Variants in RBFOX1 observed in about 807,000 individuals in gnomAD.
RBFOX1 encodes the protein RNA binding protein fox-1 homolog 1.
In RBFOX1, 8 loss-of-function variants were observed where a neutral mutation model predicts 57.7. The ratio of observed to expected loss-of-function variants is 0.14; its 90% confidence interval spans 0.08 to 0.25. The LOEUF (loss-of-function observed/expected upper bound fraction) is 0.25. RBFOX1 is among the 10% of genes least tolerant of loss of function. The pLI is 1.00. For missense variants in RBFOX1, 611 were observed against 548.5 expected, an observed-to-expected ratio of 1.11 and a Z score of -1.14; for synonymous variants, 326 against 222.4, an observed-to-expected ratio of 1.47 and a Z score of -4.15.
At chr16:6,475,291 C>T (rs1347108759) in intron 2 of RBFOX1, among the ~76,000 whole-genome samples, 1 of 152,124 alleles carries the variant, frequency 6.6e-6, no homozygotes, top group Non-Finnish European at 1.5e-5. Context: ...CAGCAGTGTG[C>T]TTGATTCCTG....
intron 4 of RBFOX1, among the ~76,000 whole-genome samples, chr16:7,458,395 A>C (rs1391497876): frequency 6.6e-6 from 1 of 152,206 alleles, no homozygotes; most frequent in South Asian, 2.1e-4. Context: ...TGTGCTCCTC[A>C]AATCTCTCCT....
chr16:6,806,841 T>TTC (rs2086955510), intron 3 of RBFOX1, among the ~76,000 whole-genome samples: 4 of 128,460 alleles, frequency 3.1e-5, no homozygotes, highest in Non-Finnish European at 6.5e-5. Context: ...TATATATTTT[T>TTC]TTTTTTTTTT....
At chr16:7,644,496 A>G (rs568686639) in intron 11 of RBFOX1, among the ~76,000 whole-genome samples, 1 of 152,192 alleles carries the variant, frequency 6.6e-6, no homozygotes, top group African/African-American at 2.4e-5. Flanking sequence ...CCATCACCCC[A>G]GAGTTTCTGT....
At chr16:6,241,026 A>C (rs756775073) in intron 1 of RBFOX1, among the ~76,000 whole-genome samples, 9 of 152,176 alleles carry the variant, frequency 5.9e-5, no homozygotes, top group Non-Finnish European at 1.2e-4. Context: ...TCGCATTCAT[A>C]ATAAGGTGTA....
chr16:7,498,830 C>T (rs569100334), intron 4 of RBFOX1, among the ~76,000 whole-genome samples: 3 of 152,284 alleles, frequency 2.0e-5, no homozygotes, highest in South Asian at 4.2e-4. Context: ...ATTACAATAT[C>T]TGCTTCACAG....
intron 3 of RBFOX1, among the ~76,000 whole-genome samples, chr16:6,805,196 G>A (rs2086453454): frequency 6.6e-6 from 1 of 152,128 alleles, no homozygotes; most frequent in South Asian, 2.1e-4. Flanking sequence ...CTACACCATG[G>A]AATACTATGC....
At chr16:5,484,805 A>G (rs1028232874) in intron 2 of RBFOX1, among the ~76,000 whole-genome samples, 17 of 151,330 alleles carry the variant, frequency 1.1e-4, no homozygotes, top group African/African-American at 4.1e-4. Flanking sequence ...CCAGCTACTC[A>G]GGAGGCTGAG....
Position 5,914,466 on chromosome 16 carries a change from AT to A in RBFOX1, c.351+47132del, listed in dbSNP as rs551562330. ...AGTTCATTCATGTAACCTTTGGCAG[AT>A]CCTGGATCTGCTTGTAAGCTCACTC... On this transcript the variant is annotated intron_variant, in intron 4 of 19. Transcript: ENST00000641259. Among the ~76,000 whole-genome samples the A allele has an allele frequency of 3.1e-3, 468 of 152,226 alleles. 1 individual carries two copies. Among genetic ancestry groups the A allele is most frequent in the African/African-American group, 0.011 (442 of 41,554 alleles).
chr16:7,197,530 G>C (rs1032636821), intron 4 of RBFOX1, among the ~76,000 whole-genome samples: 4 of 147,006 alleles, frequency 2.7e-5, no homozygotes, highest in African/African-American at 1.0e-4. Flanking sequence ...CTTAAAAAAA[G>C]TTAAACATAA....
chr16:6,869,299 T>C (rs1468992715), intron 3 of RBFOX1, among the ~76,000 whole-genome samples: 1 of 152,174 alleles, frequency 6.6e-6, no homozygotes, highest in African/African-American at 2.4e-5. Context: ...AAATACTTAT[T>C]ATATCTTGCC....
intron 9 of RBFOX1, among the ~76,000 whole-genome samples, chr16:7,603,458 A>G (rs1037327783): frequency 1.3e-5 from 2 of 152,212 alleles, no homozygotes; most frequent in Non-Finnish European, 2.9e-5. Context: ...CTAAATCCAG[A>G]TAGCATTAAC....
chr16:7,709,445 A>T, intron 15 of RBFOX1: 1 of 1,383,140 alleles, frequency 7.2e-7, no homozygotes. Flanking sequence ...GTCAATGCAG[A>T]ACTTTTTTTT....
intron 1 of RBFOX1, among the ~76,000 whole-genome samples, chr16:6,259,638 G>A (rs200792892): frequency 2.9e-4 from 44 of 152,150 alleles, no homozygotes; most frequent in African/African-American, 1.0e-3. Flanking sequence ...AAATATCTGC[G>A]ATCATGTACG....
chr16:5,412,486 A>G (rs2067047675), intron 1 of RBFOX1, among the ~76,000 whole-genome samples: 1 of 152,190 alleles, frequency 6.6e-6, no homozygotes, highest in Non-Finnish European at 1.5e-5. Context: ...AAGCAGTCCA[A>G]GATTTATAGC....
At chr16:7,267,983 G>C (rs1169277228) in intron 4 of RBFOX1, among the ~76,000 whole-genome samples, 1 of 152,216 alleles carries the variant, frequency 6.6e-6, no homozygotes, top group Non-Finnish European at 1.5e-5. Context: ...TCTTGTCATT[G>C]TGCAAACATC....
chr16:6,551,501 T>A (rs2096988601), intron 2 of RBFOX1, among the ~76,000 whole-genome samples: 1 of 152,214 alleles, frequency 6.6e-6, no homozygotes. Flanking sequence ...AGCTATTACT[T>A]GTAGCTATTG....
intron 4 of RBFOX1, among the ~76,000 whole-genome samples, chr16:7,331,921 C>G (rs1296043176): frequency 6.6e-6 from 1 of 152,120 alleles, no homozygotes; most frequent in African/African-American, 2.4e-5. Flanking sequence ...AGAAAGATTT[C>G]AAATCTGTGC....
chr16:6,279,664 T>G (rs1036720626), intron 1 of RBFOX1, among the ~76,000 whole-genome samples: 1 of 152,204 alleles, frequency 6.6e-6, no homozygotes, highest in African/African-American at 2.4e-5. Context: ...AAACACACTA[T>G]TAACTATTAA....
At chr16:5,598,069 G>A (rs1035006328) in intron 2 of RBFOX1, among the ~76,000 whole-genome samples, 2 of 152,076 alleles carry the variant, frequency 1.3e-5, no homozygotes, top group Non-Finnish European at 2.9e-5. Context: ...GGCCGAGGCA[G>A]GTGGATCACC....
Sources: allele counts gnomAD v4.1 joint callset (sites outside exome capture counted in the v4.1 genomes callset), GRCh38; gene constraint gnomAD v4.1.1; transcripts MANE v1.5; gene names NCBI Gene and HGNC (gene_info 2026-07-23, HGNC 2026-07-21).